The following MAGI2 variants were observed in gnomAD, a reference collection of about 807,000 sequenced individuals.
The protein encoded by MAGI2 is membrane-associated guanylate kinase, WW and PDZ domain-containing protein 2.
Under a neutral mutation model 133.3 loss-of-function variants are expected in MAGI2, and 35 were observed. The observed-to-expected ratio is 0.26, with a 90% confidence interval of 0.20 to 0.35. The LOEUF is 0.35. MAGI2 is among the 10% of genes least tolerant of loss of function. The probability of loss-of-function intolerance (pLI) is 1.00; values close to 1 mark genes in which losing one functional copy is unlikely to be tolerated. For missense variants in MAGI2, 1,636 were observed against 1,863.4 expected (o/e 0.88, Z 2.25); for synonymous variants, 729 against 710.6 (o/e 1.03, Z -0.41).
At chr7:79,110,513 G>C (rs1347231154) in intron 1 of MAGI2, among the ~76,000 whole-genome samples, 1 of 152,180 alleles carries the variant, frequency 6.6e-6, no homozygotes, top group Admixed American at 6.5e-5. Context: ...TTTTGGAATG[G>C]GAATGTTTAC....
chr7:78,831,539 C>T (rs1323449850), intron 2 of MAGI2, among the ~76,000 whole-genome samples: 2 of 151,908 alleles, frequency 1.3e-5, no homozygotes, highest in African/African-American at 4.8e-5. Context: ...GGTGTAAGCA[C>T]CCAGCCAAAA....
intron 2 of MAGI2, among the ~76,000 whole-genome samples, chr7:78,848,826 C>T (rs1242109971): frequency 2.6e-5 from 4 of 151,980 alleles, no homozygotes; most frequent in African/African-American, 9.7e-5. Flanking sequence ...TCATCATCCA[C>T]GACCAGCCCT....
chr7:78,577,668 G>T (rs1490063197), intron 3 of MAGI2, among the ~76,000 whole-genome samples: 1 of 151,398 alleles, frequency 6.6e-6, no homozygotes, highest in Admixed American at 6.6e-5. Flanking sequence ...CAGGAGTCGG[G>T]GGGTCACAAG....
chr7:78,731,752 C>T (rs1234270338), intron 2 of MAGI2, among the ~76,000 whole-genome samples: 3 of 152,140 alleles, frequency 2.0e-5, no homozygotes, highest in Non-Finnish European at 4.4e-5. Context: ...ACATACCTCT[C>T]TAAGCACTGG....
At chr7:78,595,164 CTA>C (rs1159142991) in intron 3 of MAGI2, among the ~76,000 whole-genome samples, 1 of 152,104 alleles carries the variant, frequency 6.6e-6, no homozygotes, top group African/African-American at 2.4e-5. Flanking sequence ...GTCCAGAACA[CTA>C]TGTTTTGCTA....
intron 2 of MAGI2, among the ~76,000 whole-genome samples, chr7:78,792,543 C>G (rs1001818503): frequency 5.9e-5 from 9 of 152,194 alleles, no homozygotes; most frequent in African/African-American, 1.9e-4. Flanking sequence ...TCCTACACAC[C>G]CAGCCTGTCA....
intron 2 of MAGI2, among the ~76,000 whole-genome samples, chr7:78,934,615 T>C (rs1584437831): frequency 6.6e-6 from 1 of 152,256 alleles, no homozygotes; most frequent in Non-Finnish European, 1.5e-5. Context: ...AGAAAATTAT[T>C]AAAAATATCG....
At chr7:78,735,899 C>A (rs1023241142) in intron 2 of MAGI2, among the ~76,000 whole-genome samples, 13 of 152,066 alleles carry the variant, frequency 8.5e-5, no homozygotes, top group African/African-American at 2.7e-4. Context: ...ACAATTTGTA[C>A]AAGAAAGTAG....
chr7:79,413,484 C>A (rs1288132276), intron 1 of MAGI2: 1 of 152,158 alleles, frequency 6.6e-6, no homozygotes, highest in Non-Finnish European at 1.5e-5. Context: ...GAAAACAGAA[C>A]CATACAGTGC....
At chr7:79,426,346 T>G (rs1847370348) in intron 1 of MAGI2, among the ~76,000 whole-genome samples, 2 of 152,240 alleles carry the variant, frequency 1.3e-5, no homozygotes, top group Non-Finnish European at 2.9e-5. Flanking sequence ...TTCTCCTACT[T>G]GTTTTCTTTC....
intron 21 of MAGI2, among the ~76,000 whole-genome samples, chr7:78,045,984 G>A (rs1811378609): frequency 6.6e-6 from 1 of 152,046 alleles, no homozygotes; most frequent in African/African-American, 2.4e-5. Flanking sequence ...GATGGTTTCC[G>A]GTGTCTCAGA....
chr7:78,715,510 G>C (rs1321292966), intron 2 of MAGI2, among the ~76,000 whole-genome samples: 1 of 152,096 alleles, frequency 6.6e-6, no homozygotes, highest in African/African-American at 2.4e-5. Flanking sequence ...ACATGATATA[G>C]ATTTAAGTAA....
chr7:78,216,448 A>C (rs1478265991), intron 10 of MAGI2, among the ~76,000 whole-genome samples: 1 of 152,226 alleles, frequency 6.6e-6, no homozygotes, highest in East Asian at 1.9e-4. Context: ...CCATGCTTGT[A>C]AGAACAAAGT....
At chr7:78,452,934 T>C (rs570222533) in intron 6 of MAGI2, among the ~76,000 whole-genome samples, 1 of 152,170 alleles carries the variant, frequency 6.6e-6, no homozygotes, top group Non-Finnish European at 1.5e-5. Context: ...GCTGATTGGG[T>C]TTCTCCTGAA....
At chr7:78,424,475 TG>T (rs1799098994) in intron 6 of MAGI2, among the ~76,000 whole-genome samples, 1 of 152,152 alleles carries the variant, frequency 6.6e-6, no homozygotes, top group Non-Finnish European at 1.5e-5. Flanking sequence ...GAGTCCTTAC[TG>T]GGGCACCTCC....
intron 1 of MAGI2, among the ~76,000 whole-genome samples, chr7:79,278,412 G>A (rs1468099398): frequency 6.6e-6 from 1 of 152,100 alleles, no homozygotes; most frequent in Non-Finnish European, 1.5e-5. Context: ...TGTAAGAACA[G>A]CCTAACACAC....
intron 9 of MAGI2, 29 bp from the exon 10 acceptor site, chr7:78,256,610 G>T: frequency 6.3e-7 from 1 of 1,581,628 alleles, no homozygotes. Context: ...TTGACAACAT[G>T]AGGTAAGTTC....
intron 1 of MAGI2, among the ~76,000 whole-genome samples, chr7:79,184,453 T>C (rs976503980): frequency 2.7e-5 from 4 of 150,572 alleles, no homozygotes; most frequent in African/African-American, 9.8e-5. Context: ...TAAAATAACA[T>C]AAAAAATCAA....
intron 1 of MAGI2, among the ~76,000 whole-genome samples, chr7:79,436,956 C>T (rs1215732265): frequency 6.6e-6 from 1 of 152,126 alleles, no homozygotes; most frequent in Non-Finnish European, 1.5e-5. Flanking sequence ...ATATTCCCAT[C>T]AATGGTGAAC....
Sources: gnomAD v4.1 joint callset for allele counts (sites outside exome capture counted in the v4.1 genomes callset) on GRCh38, gnomAD v4.1.1 for gene constraint, MANE v1.5 for transcripts, NCBI Gene and HGNC (gene_info 2026-07-23, HGNC 2026-07-21) for gene names.